Variants in CCDC187 observed in about 807,000 individuals in gnomAD.
The protein encoded by CCDC187 is coiled-coil domain containing 187, also known as coiled-coil domain-containing protein 187.
In CCDC187, 32 loss-of-function variants were observed where a neutral mutation model predicts 38.0. The ratio of observed to expected loss-of-function variants is 0.84; its 90% CI spans 0.64 to 1.13. The LOEUF is 1.13. Among genes scored for constraint, CCDC187 ranks in the 50% most tolerant of loss-of-function variants. CCDC187 has a pLI of 0.00. For synonymous variants in CCDC187, 333 were observed against 347.9 expected (o/e 0.96, Z 0.48); for missense variants, 707 against 786.8 (o/e 0.90, Z 1.21).
At position 136,268,085 on chromosome 9, in the gene CCDC187, C is replaced by A; in HGVS notation, c.3483G>T (p.Leu1161=). The part of the protein sequence containing the change: ...GPDGALSQLP[L]AKFFPPDNPT... ...GGTTGTCCGGAGGGAAGAACTTGGC[C>A]AGGGGAAGCTGGGAGAGGGCTCCGT... Residue 1161 remains leucine, a synonymous_variant, in exon 15 of 26, where the codon CTG becomes CTT. Coordinates refer to ENST00000638797, the MANE Select transcript of CCDC187 (RefSeq NM_001378188.1). 2.0e-6 allele frequency: 2 copies of A among 985,518 alleles called. No individual in the cohort carries two copies. The highest frequency in any genetic ancestry group is 9.4e-5 in the South Asian group (2 of 21,288). 61.0% of individuals were successfully genotyped at this position (985,518 alleles called of 1,614,324 possible).
upstream of CCDC187, chr9:136,306,664 T>A (rs959543290): frequency 1.2e-4 from 18 of 152,566 alleles, no homozygotes; most frequent in Admixed American, 1.2e-3. Context: ...AGGCCGGGCG[T>A]GCCAAGCTGT....
At chr9:136,267,347 C>CGGCGGGGCGGGGCTAA in intron 16 of CCDC187, 37 bp downstream of exon 16, 1 of 951,806 alleles carries the variant, frequency 1.1e-6, no homozygotes, top group Non-Finnish European at 1.2e-6. Flanking sequence ...GGCGGGGCTA[C>CGGCGGGGCGGGGCTAA]GGCGGGGCGG....
Position 136,291,392 on chromosome 9 carries a change from G to T in CCDC187, c.1221C>A (p.Asp407Glu), listed in dbSNP as rs1057318928. The change falls in exon 6 of 26, where the codon GAC (aspartate) becomes GAA (glutamate). Residue 407 changes from aspartate to glutamate, a missense_variant. Coordinates refer to ENST00000638797, the MANE Select transcript of CCDC187 (RefSeq NM_001378188.1). ...CCCTGCAGCAGCCCCTCCCTGCCAC[G>T]TCCTGCAGCCTCCGCTTTGATGGCC... ...ELGPSKRRLQ[D>E]VAGRGCCRDP... 3 of 399,046 alleles carry T rather than the reference G, an allele frequency of 7.5e-6. No individual in the cohort carries two copies. Among genetic ancestry groups the T allele is most frequent in the African/African-American group, 4.1e-5 (2 of 48,760 alleles). 24.7% of individuals were successfully genotyped at this position (399,046 alleles called of 1,614,324 possible).
intron 4 of CCDC187, among the ~76,000 whole-genome samples, chr9:136,297,233 A>C (rs1831556680): frequency 6.7e-6 from 1 of 149,620 alleles, no homozygotes; most frequent in African/African-American, 2.5e-5. Flanking sequence ...GGGTGTCCTG[A>C]GCTGCGGGTG....
upstream of CCDC187, among the ~76,000 whole-genome samples, chr9:136,304,774 G>A (rs1484247601): frequency 2.6e-5 from 4 of 152,238 alleles, no homozygotes; most frequent in South Asian, 2.1e-4. Context: ...CCATCCCCGC[G>A]GGAGGTGGCA....
chr9:136,298,289 T>C (rs1187174445), intron 3 of CCDC187, among the ~76,000 whole-genome samples: 1 of 152,026 alleles, frequency 6.6e-6, no homozygotes, highest in Non-Finnish European at 1.5e-5. Context: ...ACTGAACATC[T>C]CTGGGACCAG....
Position 136,258,541 on chromosome 9 carries a change from G to C in CCDC187, c.4366+391C>G, listed in dbSNP as rs1431709989. Among the ~76,000 whole-genome samples the C allele has an allele frequency of 1.4e-5, 2 of 143,832 alleles. No homozygotes were observed. The highest frequency in any genetic ancestry group is 3.0e-5 in the Non-Finnish European group (2 of 66,416). The allele number at this position is 143,832 out of a possible 152,430, so 94.4% of individuals were successfully genotyped here. On this transcript the variant is annotated intron_variant, in intron 22 of 25. Coordinates refer to ENST00000638797, the MANE Select transcript of CCDC187 (RefSeq NM_001378188.1). The surrounding 1 kb of genome is among the most constrained non-coding windows in gnomAD (Gnocchi z 4.3). Reference sequence around the variant, plus strand: ...CCTGCAAATTGGGGACTTGGCTCTCGGGGGGGGCCCCGGCCAAGTGTAAGG... The same window carrying C: ...CCTGCAAATTGGGGACTTGGCTCTCCGGGGGGGCCCCGGCCAAGTGTAAGG...
chr9:136,281,643 G>A lies in CCDC187; in HGVS notation c.2948C>T (p.Thr983Met), dbSNP rs901532435. The change falls in exon 10 of 26, where the codon ACG becomes ATG. Residue 983 changes from threonine (T) to methionine (M), a missense_variant. Transcript: ENST00000638797. Reference sequence around the variant, plus strand: ...CAGGGAGCCCCAGATAGGGTGCAGCGTGGCTGGGCCCGCATATGAGCTGGA... The same window carrying A: ...CAGGGAGCCCCAGATAGGGTGCAGCATGGCTGGGCCCGCATATGAGCTGGA... ...SAGSSYAGPA[T>M]LHPIWGSLGL... 49 of 398,556 alleles carry A rather than the reference G, an allele frequency of 1.2e-4. No individual in the cohort carries two copies. The highest frequency in any genetic ancestry group is 1.7e-4 in the Non-Finnish European group (38 of 226,090). The allele number at this position is 398,556 out of a possible 1,614,324, so 24.7% of individuals were successfully genotyped here. A position where few individuals can be genotyped will look rare whatever the true frequency, so the allele number is the denominator to read the frequency against.
At chr9:136,262,640 C>G in intron 18 of CCDC187, among the ~76,000 whole-genome samples, 178 bp from the exon 19 acceptor site, 1 of 152,292 alleles carries the variant, frequency 6.6e-6, no homozygotes, top group South Asian at 2.1e-4. Context: ...GGGTCCTGCA[C>G]CCCCACTGAG....
intron 8 of CCDC187, chr9:136,285,823 A>C (rs1831166027): frequency 1.3e-5 from 5 of 396,800 alleles, no homozygotes. Flanking sequence ...CCAGAGAACA[A>C]GACAGGAGCA....
chr9:136,272,067 T>A (rs1554762489), intron 14 of CCDC187, among the ~76,000 whole-genome samples: 2 of 152,116 alleles, frequency 1.3e-5, no homozygotes, highest in African/African-American at 4.8e-5. Flanking sequence ...GAATTCTATG[T>A]CCAGGAAAGA....
At chr9:136,292,345 G>T (rs922189783) in intron 4 of CCDC187, 50 bp from the exon 5 acceptor site, 5 of 398,454 alleles carry the variant, frequency 1.3e-5, no homozygotes, top group Non-Finnish European at 2.2e-5. Flanking sequence ...GGCCCTCTGG[G>T]CACTGGCCCG....
At chr9:136,271,443 C>T (rs573491615) in intron 14 of CCDC187, among the ~76,000 whole-genome samples, 2 of 152,018 alleles carry the variant, frequency 1.3e-5, no homozygotes, top group South Asian at 2.1e-4. Context: ...ATCGCTTGAA[C>T]CTGAGACGCA....
intron 2 of CCDC187, among the ~76,000 whole-genome samples, chr9:136,302,371 AC>A (rs1293767126): frequency 1.4e-5 from 2 of 144,052 alleles, no homozygotes; most frequent in Admixed American, 6.9e-5. Flanking sequence ...CAAGGACAAG[AC>A]CCCCCCACCA....
rs1471087006 is a variant in CCDC187, at chr9:136,293,711, C to T, written c.833-1416G>A. Among the ~76,000 whole-genome samples, 3 of 152,084 alleles carry T rather than the reference C, an allele frequency of 2.0e-5. No homozygotes were observed. The East Asian group carries it at 5.8e-4, about 29-fold the overall frequency. On this transcript the variant is annotated intron_variant, in intron 4 of 25. Coordinates refer to ENST00000638797, the MANE Select transcript of CCDC187 (RefSeq NM_001378188.1). ...GCTGTCACACATGCTCAGTCACATG[C>T]TTTCACATGCTCACTCATGCATTCA...
chr9:136,277,831 G>A (rs1227826322), intron 10 of CCDC187, among the ~76,000 whole-genome samples: 1 of 152,164 alleles, frequency 6.6e-6, no homozygotes, highest in African/African-American at 2.4e-5. Context: ...GTTGGCTGGT[G>A]TATGGATGGA....
chr9:136,259,004 G>C lies in CCDC187; in HGVS notation c.4297-3C>G. 1.3e-5 allele frequency: 13 copies of C among 985,824 alleles called. No homozygotes were observed. The highest frequency in any genetic ancestry group is 1.4e-5 in the Non-Finnish European group (12 of 830,262). The allele number at this position is 985,824 out of a possible 1,614,324, so 61.1% of individuals were successfully genotyped here. ...AGGCGCCCCTCCGCCTCCTCGGCCTGGGGGGTGAGACGGGAGTGGACATGG... is the reference window on the plus strand; with the variant it reads ...AGGCGCCCCTCCGCCTCCTCGGCCTCGGGGGTGAGACGGGAGTGGACATGG... On this transcript the variant is annotated splice_polypyrimidine_tract_variant and splice_region_variant and intron_variant, in intron 21 of 25. Coordinates refer to ENST00000638797, the MANE Select transcript of CCDC187 (RefSeq NM_001378188.1).
intron 15 of CCDC187, 160 bp from the exon 16 acceptor site, chr9:136,267,671 C>A: frequency 1.0e-6 from 1 of 958,808 alleles, no homozygotes; most frequent in Non-Finnish European, 1.2e-6. Context: ...CCCGCCCCTC[C>A]CATCCCCCTA....
rs1831421557 is a variant in CCDC187 at position 136,293,443 on chromosome 9, T to TGCTCA, written c.833-1149_833-1148insTGAGC. Among the ~76,000 whole-genome samples, 100 of 32,904 alleles carry TGCTCA rather than the reference T, an allele frequency of 3.0e-3. 5 individuals are homozygous for TGCTCA. Among genetic ancestry groups the TGCTCA allele is most frequent in the African/African-American group, 2.4e-3 (17 of 6,982 alleles). The allele number at this position is 32,904 out of a possible 152,430, so 21.6% of individuals were successfully genotyped here. A position where few individuals can be genotyped will look rare whatever the true frequency, so the allele number is the denominator to read the frequency against. ...CACATACTCTCACATGCTCACACAC[T>TGCTCA]CACACATGCTCACACTCACACTCAC... On this transcript the variant is annotated intron_variant, in intron 4 of 25. Transcript: ENST00000638797.
Sources: allele counts gnomAD v4.1 joint callset (sites outside exome capture counted in the v4.1 genomes callset), GRCh38; gene constraint gnomAD v4.1.1; non-coding constraint Gnocchi (gnomAD v3.1); transcripts MANE v1.5; gene names NCBI Gene and HGNC (gene_info 2026-07-23, HGNC 2026-07-21).